PSKH1: variants seen among roughly 807,000 people sequenced by gnomAD.
PSKH1 encodes the protein protein serine kinase H1, also known as serine/threonine-protein kinase H1.
A neutral mutation model predicts 26.7 loss-of-function variants in PSKH1; 12 were observed. The observed-to-expected ratio is 0.45, with a 90% CI of 0.29 to 0.73. PSKH1 has a LOEUF of 0.73. PSKH1 is among the 30% of genes least tolerant of loss of function. The pLI is 0.11. For missense variants in PSKH1, 431 were observed against 595.2 expected (o/e 0.72, Z 2.87); for synonymous variants, 213 against 234.3 (o/e 0.91, Z 0.83).
At position 67,909,735 on chromosome 16, in the gene PSKH1, G is replaced by C; in HGVS notation, c.957+29G>C. 6.3e-7 allele frequency: 1 copy of C among 1,590,584 alleles called. No individual in the cohort carries two copies. The highest frequency in any genetic ancestry group is 8.6e-7 in the Non-Finnish European group (1 of 1,168,828). On this transcript the variant is annotated intron_variant, in intron 2 of 2. Coordinates refer to ENST00000291041, the MANE Select transcript of PSKH1 (RefSeq NM_006742.3). This position sits in a 1 kb window ranked among gnomAD's most constrained non-coding sequence, Gnocchi z 7.8. Reference sequence around the variant, plus strand: ...AGTCTGTCCTGCCCCTGTCCTGGATGTTGGGGAGGCACCTGCGGGGGCAGG... The same window carrying C: ...AGTCTGTCCTGCCCCTGTCCTGGATCTTGGGGAGGCACCTGCGGGGGCAGG...
intron 2 of PSKH1, among the ~76,000 whole-genome samples, chr16:67,925,486 C>T (rs1486242764): frequency 6.6e-6 from 1 of 152,182 alleles, no homozygotes; most frequent in Admixed American, 6.5e-5. Flanking sequence ...GCCACCACGC[C>T]TGGCCCTCAA....
rs766401988 is a variant in PSKH1 at position 67,908,775 on chromosome 16, T to C, written c.26T>C (p.Leu9Pro). 1 of 1,596,894 alleles carries C rather than the reference T, an allele frequency of 6.3e-7. No homozygotes were observed. The highest frequency in any genetic ancestry group is 1.1e-5 in the South Asian group (1 of 88,858). Reference protein sequence around the residue: MGCGTSKVLPEPPKDVQLD... With the variant: MGCGTSKVPPEPPKDVQLD... ...ATGGGCTGTGGGACAAGCAAGGTCC[T>C]TCCCGAGCCACCCAAGGATGTCCAG... is the stretch of plus-strand genomic sequence containing the variant. The change falls in exon 2 of 3, where the codon CTT (leucine) becomes CCT (proline). Residue 9 changes from leucine to proline, a missense_variant. By Grantham distance (98) the Leu-to-Pro change is moderately conservative. Transcript: ENST00000291041.
At chr16:67,924,157 CTT>C (rs2151315147) in intron 2 of PSKH1, among the ~76,000 whole-genome samples, 1 of 152,358 alleles carries the variant, frequency 6.6e-6, no homozygotes, top group South Asian at 2.1e-4. Context: ...TTCAGGACGA[CTT>C]GAGTCACTTT....
intron 2 of PSKH1, among the ~76,000 whole-genome samples, chr16:67,920,221 G>A (rs1456612335): frequency 6.6e-6 from 1 of 152,176 alleles, no homozygotes; most frequent in Admixed American, 6.5e-5. Context: ...GGAGCTGCTG[G>A]ACTGTATCTC....
At chr16:67,895,781 A>G (rs1189265858) in intron 1 of PSKH1, among the ~76,000 whole-genome samples, 2 of 152,216 alleles carry the variant, frequency 1.3e-5, no homozygotes, top group Admixed American at 1.3e-4. Flanking sequence ...GTCATTGCCT[A>G]AGAAAACTGT....
intron 1 of PSKH1, among the ~76,000 whole-genome samples, chr16:67,902,274 AAAT>A: frequency 1.3e-5 from 2 of 149,806 alleles, no homozygotes; most frequent in African/African-American, 5.1e-5. Flanking sequence ...AAAAAAAAAG[AAAT>A]AAAAATGAAT....
intron 2 of PSKH1, among the ~76,000 whole-genome samples, chr16:67,923,395 G>A (rs543815915): frequency 6.6e-6 from 1 of 152,304 alleles, no homozygotes; most frequent in African/African-American, 2.4e-5. Context: ...GCCCCTGCTT[G>A]TCTTCCTCTT....
At chr16:67,925,166 C>T (rs1020790870) in intron 2 of PSKH1, among the ~76,000 whole-genome samples, 1 of 151,590 alleles carries the variant, frequency 6.6e-6, no homozygotes, top group Non-Finnish European at 1.5e-5. Context: ...TCCAGTTGCC[C>T]TGCATATTGG....
intron 1 of PSKH1, among the ~76,000 whole-genome samples, chr16:67,900,181 T>A (rs1279424007): frequency 6.6e-6 from 1 of 151,128 alleles, no homozygotes; most frequent in Non-Finnish European, 1.5e-5. Flanking sequence ...AGGCTGATCT[T>A]GTACTCCTTA....
At chr16:67,899,603 G>A (rs988411998) in intron 1 of PSKH1, among the ~76,000 whole-genome samples, 3 of 151,622 alleles carry the variant, frequency 2.0e-5, no homozygotes, top group East Asian at 1.9e-4. Context: ...CCAAAATGCC[G>A]GGATTACAGG....
chr16:67,920,326 A>T (rs996057030), intron 2 of PSKH1, among the ~76,000 whole-genome samples: 1 of 152,090 alleles, frequency 6.6e-6, no homozygotes, highest in Non-Finnish European at 1.5e-5. Context: ...CAGTAGTGTG[A>T]TTATAGTTCA....
At chr16:67,908,429 C>G (rs1413517245) in intron 1 of PSKH1, among the ~76,000 whole-genome samples, 2 of 152,202 alleles carry the variant, frequency 1.3e-5, no homozygotes, top group Admixed American at 1.3e-4. Flanking sequence ...GCCACCACGC[C>G]TGGCTAATTT....
chr16:67,921,423 A>G (rs1370826969), intron 2 of PSKH1, among the ~76,000 whole-genome samples: 1 of 151,920 alleles, frequency 6.6e-6, no homozygotes, highest in Non-Finnish European at 1.5e-5. Context: ...AAAATACAAA[A>G]AATTAACCAG....
intron 2 of PSKH1, among the ~76,000 whole-genome samples, chr16:67,915,296 A>AG (rs2151313560): frequency 6.6e-6 from 1 of 151,928 alleles, no homozygotes; most frequent in South Asian, 2.1e-4. Context: ...GGAGCTGAAA[A>AG]GCATCAGTTT....
chr16:67,923,321 C>T (rs1270737373), intron 2 of PSKH1, among the ~76,000 whole-genome samples: 1 of 152,200 alleles, frequency 6.6e-6, no homozygotes, highest in Non-Finnish European at 1.5e-5. Context: ...GGGCCATGGA[C>T]TCAGGAGGAA....
At chr16:67,896,342 C>T (rs2058126352) in intron 1 of PSKH1, among the ~76,000 whole-genome samples, 1 of 152,026 alleles carries the variant, frequency 6.6e-6, no homozygotes, top group Non-Finnish European at 1.5e-5. Flanking sequence ...CTCCTGACCT[C>T]AGGTGATCCA....
chr16:67,896,695 G>A (rs182332425), intron 1 of PSKH1, among the ~76,000 whole-genome samples: 2 of 152,060 alleles, frequency 1.3e-5, no homozygotes, highest in Non-Finnish European at 2.9e-5. Context: ...AATCAGGGTC[G>A]ATTCAGTTGG....
At chr16:67,919,308 A>T (rs563225019) in intron 2 of PSKH1, among the ~76,000 whole-genome samples, 2 of 151,918 alleles carry the variant, frequency 1.3e-5, no homozygotes, top group East Asian at 3.9e-4. Context: ...CTTCTCACTG[A>T]CCCCTGCTCC....
chr16:67,921,306 G>A (rs2058201743), intron 2 of PSKH1, among the ~76,000 whole-genome samples: 1 of 151,614 alleles, frequency 6.6e-6, no homozygotes, highest in Non-Finnish European at 1.5e-5. Context: ...GCCAGGTGCT[G>A]TGGCTCACGC....
Sources: allele counts gnomAD v4.1 joint callset (sites outside exome capture counted in the v4.1 genomes callset), GRCh38; gene constraint gnomAD v4.1.1; non-coding constraint Gnocchi (gnomAD v3.1); transcripts MANE v1.5; gene names NCBI Gene and HGNC (gene_info 2026-07-23, HGNC 2026-07-21).